ZNF536: variants seen among roughly 807,000 people sequenced by gnomAD.
ZNF536 encodes zinc finger protein 536.
A neutral mutation model predicts 84.5 loss-of-function variants in ZNF536; 13 were observed. The ratio of observed to expected loss-of-function variants is 0.15; its 90% CI spans 0.10 to 0.24. The LOEUF (loss-of-function observed/expected upper bound fraction) is 0.24. Among genes scored for constraint, ZNF536 ranks in the 10% least tolerant of loss-of-function variants. The probability of loss-of-function intolerance (pLI) is 1.00; values close to 1 mark genes in which losing one functional copy is unlikely to be tolerated. For missense variants in ZNF536, 1,536 were observed against 1,747.5 expected (o/e 0.88, Z 2.16); for synonymous variants, 811 against 742.5 (o/e 1.09, Z -1.50).
At chr19:30,636,649 T>C (rs1342401951) in intron 1 of ZNF536, among the ~76,000 whole-genome samples, 1 of 152,182 alleles carries the variant, frequency 6.6e-6, no homozygotes, top group African/African-American at 2.4e-5. Flanking sequence ...ACAATATTTT[T>C]GGACACTCTG....
At chr19:30,499,147 C>CT (rs1230922962) in intron 2 of ZNF536, among the ~76,000 whole-genome samples, 2 of 151,636 alleles carry the variant, frequency 1.3e-5, no homozygotes, top group Non-Finnish European at 2.9e-5. Context: ...AAGACCACCT[C>CT]TTTTTCCAGA....
intron 2 of ZNF536, among the ~76,000 whole-genome samples, chr19:30,467,948 G>A (rs946746057): frequency 2.0e-5 from 3 of 152,350 alleles, no homozygotes; most frequent in African/African-American, 7.2e-5. Flanking sequence ...CGGCCTGTGT[G>A]AGCCCAGTGC....
At chr19:30,404,321 G>A (rs77677639) in intron 1 of ZNF536, among the ~76,000 whole-genome samples, 1 of 151,296 alleles carries the variant, frequency 6.6e-6, no homozygotes, top group East Asian at 2.0e-4. Flanking sequence ...GGCCAGAGGG[G>A]GACACTGTTT....
At chr19:30,366,399 T>TCTATCTATC (rs71171798) in intron 3 of ZNF536, among the ~76,000 whole-genome samples, 1 of 142,572 alleles carries the variant, frequency 7.0e-6, no homozygotes, top group African/African-American at 2.6e-5. Flanking sequence ...TATCTATCTA[T>TCTATCTATC]ATCTATCTCC....
chr19:30,376,230 C>T (rs2048814532), intron 1 of ZNF536, among the ~76,000 whole-genome samples: 1 of 152,160 alleles, frequency 6.6e-6, no homozygotes, highest in Non-Finnish European at 1.5e-5. Flanking sequence ...TTGGCATCCC[C>T]TCTCCCCCAA....
chr19:30,250,346 T>C (rs1018768061), intron 1 of ZNF536, among the ~76,000 whole-genome samples: 1 of 152,184 alleles, frequency 6.6e-6, no homozygotes, highest in Non-Finnish European at 1.5e-5. Context: ...ACAGGGAACA[T>C]ATACATTAAT....
intron 1 of ZNF536, among the ~76,000 whole-genome samples, chr19:30,378,286 A>G (rs529631511): frequency 2.0e-4 from 30 of 152,282 alleles, no homozygotes; most frequent in Admixed American, 5.2e-4. Flanking sequence ...TCAGCCTCTC[A>G]AGTAGCTGGG....
intron 2 of ZNF536, among the ~76,000 whole-genome samples, chr19:30,344,856 G>C (rs1459462895): frequency 6.6e-6 from 1 of 152,148 alleles, no homozygotes; most frequent in African/African-American, 2.4e-5. Context: ...CCAGACCCAG[G>C]CTCCTAGTTC....
exon 2 of ZNF536, chr19:30,712,393 G>T (rs549697451): frequency 6.7e-6 from 1 of 149,468 alleles, no homozygotes; most frequent in African/African-American, 2.5e-5. Flanking sequence ...AAGTATGAAA[G>T]TATTAACTTC....
At chr19:30,362,081 T>A (rs1318845557) in intron 3 of ZNF536, among the ~76,000 whole-genome samples, 1 of 152,158 alleles carries the variant, frequency 6.6e-6, no homozygotes, top group Non-Finnish European at 1.5e-5. Flanking sequence ...CACGGGCAGT[T>A]GAGAAAGTGC....
chr19:30,616,838 T>C (rs539927443), intron 1 of ZNF536, among the ~76,000 whole-genome samples: 1 of 152,306 alleles, frequency 6.6e-6, no homozygotes, highest in East Asian at 1.9e-4. Context: ...TTCATGGTCC[T>C]TGCCCTGTTT....
chr19:30,457,814 C>T (rs1038418861), intron 2 of ZNF536, among the ~76,000 whole-genome samples: 13 of 152,206 alleles, frequency 8.5e-5, no homozygotes, highest in Non-Finnish European at 1.8e-4. Context: ...GCCTTAGGAA[C>T]TGTCCATACC....
chr19:30,492,018 A>G (rs1487775823), intron 2 of ZNF536, among the ~76,000 whole-genome samples: 1 of 146,500 alleles, frequency 6.8e-6, no homozygotes, highest in Non-Finnish European at 1.5e-5. Flanking sequence ...GTCTAAGTCT[A>G]TCTTCCTTTG....
chr19:30,240,256 C>T (rs1230505973), intron 1 of ZNF536, among the ~76,000 whole-genome samples: 2 of 152,032 alleles, frequency 1.3e-5, no homozygotes, highest in Admixed American at 1.3e-4. Flanking sequence ...GCCTGTAATC[C>T]CAGCTACTTG....
chr19:30,274,192 C>T (rs1306379418), intron 1 of ZNF536, among the ~76,000 whole-genome samples: 7 of 152,246 alleles, frequency 4.6e-5, no homozygotes, highest in Non-Finnish European at 7.4e-5. Flanking sequence ...AAGTGATATC[C>T]GTGATAATAT....
chr19:30,469,736 G>T (rs987806545), intron 2 of ZNF536, among the ~76,000 whole-genome samples: 1 of 152,042 alleles, frequency 6.6e-6, no homozygotes, highest in Admixed American at 6.6e-5. Flanking sequence ...AGCTCCCACC[G>T]CCCACCTGCC....
At chr19:30,652,423 TGTC>T (rs1481875774) in intron 1 of ZNF536, among the ~76,000 whole-genome samples, 2 of 152,182 alleles carry the variant, frequency 1.3e-5, no homozygotes, top group African/African-American at 4.8e-5. Flanking sequence ...CACCACTAAA[TGTC>T]GTGAATGGAA....
At chr19:30,546,200 A>G (rs981048564) in intron 3 of ZNF536, among the ~76,000 whole-genome samples, 1 of 152,224 alleles carries the variant, frequency 6.6e-6, no homozygotes, top group African/African-American at 2.4e-5. Flanking sequence ...CAGTAGCTCA[A>G]TGAGTCTGAG....
Position 30,445,326 on chromosome 19 carries a change from G to T in ZNF536, c.1764G>T (p.Val588=), listed in dbSNP as rs1462746488. The T allele has an allele frequency of 3.1e-6, 5 of 1,614,078 alleles. No homozygotes were observed. Among genetic ancestry groups the T allele is most frequent in the Non-Finnish European group, 4.2e-6 (5 of 1,180,054 alleles). ...MPADLVHSTK[V]GSQRDLPSKL... is the part of the protein sequence containing the mutation. ...CTGATTTGGTTCACAGCACTAAAGT[G>T]GGCAGCCAGAGAGACCTGCCAAGTA... The change falls in exon 2 of 5, where the codon GTG becomes GTT. Residue 588 remains valine (V), a synonymous_variant. Transcript: ENST00000355537. The surrounding 1 kb of genome is among the most constrained non-coding windows in gnomAD (Gnocchi z 4.5).
Sources: allele counts gnomAD v4.1 joint callset (sites outside exome capture counted in the v4.1 genomes callset), GRCh38; gene constraint gnomAD v4.1.1; non-coding constraint Gnocchi (gnomAD v3.1); transcripts MANE v1.5; gene names NCBI Gene and HGNC (gene_info 2026-07-23, HGNC 2026-07-21).